Variants in NFX1 observed in about 807,000 individuals in gnomAD.
NFX1 encodes nuclear transcription factor, X-box binding 1.
In NFX1, 69 loss-of-function variants were observed where a neutral mutation model predicts 137.2. The ratio of observed to expected loss-of-function variants is 0.50; its 90% confidence interval spans 0.41 to 0.61. The LOEUF (loss-of-function observed/expected upper bound fraction) is 0.61. Among genes scored for constraint, NFX1 ranks in the 20% least tolerant of loss-of-function variants. The pLI, the probability that NFX1 is intolerant of heterozygous loss-of-function variation, is 0.00. For synonymous variants in NFX1, 495 were observed against 474.1 expected, an observed-to-expected ratio of 1.04 and a Z score of -0.57; for missense variants, 1,167 against 1,391.0, an observed-to-expected ratio of 0.84 and a Z score of 2.56.
chr9:33,295,301 A>G lies in NFX1; in HGVS notation c.907A>G (p.Ile303Val). 6.2e-7 allele frequency: 1 copy of G among 1,614,200 alleles called. No homozygotes were observed. The highest frequency in any genetic ancestry group is 8.5e-7 in the Non-Finnish European group (1 of 1,180,026). ...STCDSENLAVINKSSRRVDQE... is the reference protein window; with the variant it reads ...STCDSENLAVVNKSSRRVDQE... ...CTGTGACAGTGAGAACTTGGCAGTC[A>G]TCAACAAGTCTTCCAGGAGGGTTGA... The change falls in exon 2 of 24, where the codon ATC becomes GTC. Residue 303 changes from isoleucine (I) to valine (V), a missense_variant. Transcript: ENST00000379540.
rs191144858 is a variant in NFX1 at position 33,324,703 on chromosome 9, G to A, written c.1907-3878G>A. On this transcript the variant is annotated intron_variant, in intron 9 of 23. Transcript: ENST00000379540. ...AGCATTTTGGGAGGCTGAGGCAGGC[G>A]AATCACGAGGTCAGGAGATCGAGAC... Among the ~76,000 whole-genome samples, 1,335 of 152,096 alleles carry A rather than the reference G, an allele frequency of 8.8e-3. 19 individuals carry two copies. The highest frequency in any genetic ancestry group is 0.031 in the African/African-American group (1,291 of 41,496).
intron 9 of NFX1, among the ~76,000 whole-genome samples, chr9:33,324,311 G>A (rs1365533037): frequency 6.6e-6 from 1 of 152,044 alleles, no homozygotes; most frequent in African/African-American, 2.4e-5. Flanking sequence ...CCCAGTAGGC[G>A]GAGGTTGCAG....
chr9:33,365,276 AAAAGAAAG>A (rs779028887), intron 21 of NFX1: 8 of 153,858 alleles, frequency 5.2e-5, no homozygotes, highest in Non-Finnish European at 7.2e-5. Context: ...CTCTGTCTCA[AAAAGAAAG>A]AAAGAAAGAA....
rs191580555 is a variant in NFX1, at chr9:33,329,224, C to G, written c.2004+546C>G. Among the ~76,000 whole-genome samples the G allele has an allele frequency of 7.2e-5, 11 of 152,338 alleles. No individual in the cohort carries two copies. In the East Asian group the frequency reaches 1.4e-3, roughly 19 times the overall value. On this transcript the variant is annotated intron_variant, in intron 10 of 23. Transcript: ENST00000379540. ...GGAGTCAGGAAAGTATTACTCTCTC[C>G]GCTTCAGTGTGTGCCAGCATACATG...
intron 2 of NFX1, 93 bp downstream of exon 2, chr9:33,295,520 A>G (rs1821323551): frequency 3.7e-6 from 5 of 1,344,836 alleles, no homozygotes; most frequent in South Asian, 1.5e-5. Context: ...AGCAGAAAGT[A>G]TGGAAAGTTA....
intron 11 of NFX1, among the ~76,000 whole-genome samples, chr9:33,338,270 A>G (rs1823086680): frequency 6.7e-6 from 1 of 148,618 alleles, no homozygotes; most frequent in South Asian, 2.2e-4. Context: ...CATGAGAATC[A>G]CTTGAACCTG....
chr9:33,333,457 G>A (rs985402965), intron 11 of NFX1, among the ~76,000 whole-genome samples: 5 of 152,240 alleles, frequency 3.3e-5, no homozygotes, highest in African/African-American at 4.8e-5. Context: ...TTTTCTCCTC[G>A]TGGGTATGTT....
intron 5 of NFX1, among the ~76,000 whole-genome samples, chr9:33,310,023 T>TAAA (rs1821908613): frequency 6.6e-6 from 1 of 152,246 alleles, no homozygotes; most frequent in African/African-American, 2.4e-5. Flanking sequence ...TACTCATCTT[T>TAAA]AAAGAAACAT....
chr9:33,314,286 A>G (rs1423083699), intron 7 of NFX1, among the ~76,000 whole-genome samples: 1 of 152,038 alleles, frequency 6.6e-6, no homozygotes, highest in Non-Finnish European at 1.5e-5. Flanking sequence ...TGCCTGGCCT[A>G]TCTAATTTAA....
At position 33,319,122 on chromosome 9, in the gene NFX1, C is replaced by G; in HGVS notation, c.1901C>G (p.Ser634Cys). The change falls in exon 9 of 24, where the codon TCC becomes TGC. Residue 634 changes from serine to cysteine, a missense_variant. Ser to Cys is a moderately radical substitution (Grantham distance 112, BLOSUM62 -1). Coordinates refer to ENST00000379540, the MANE Select transcript of NFX1 (RefSeq NM_002504.6). ...KVCGKPLPCG[S>C]LDFIHTCEKL... ...TGCGGCAAGCCTCTGCCTTGTGGTTCCTTAGGTAACTAGTAAGCGTAAAGT... is the reference window on the plus strand; with the variant it reads ...TGCGGCAAGCCTCTGCCTTGTGGTTGCTTAGGTAACTAGTAAGCGTAAAGT... The G allele has an allele frequency of 6.2e-7, 1 of 1,613,976 alleles. No individual in the cohort carries two copies. Among genetic ancestry groups the G allele is most frequent in the Non-Finnish European group, 8.5e-7 (1 of 1,179,908 alleles).
intron 16 of NFX1, chr9:33,352,377 A>G (rs1436847959): frequency 8.8e-6 from 5 of 567,402 alleles, no homozygotes; most frequent in Middle Eastern, 2.8e-4. Flanking sequence ...CTCTGATGGT[A>G]CAAACTTCAT....
At chr9:33,293,359 T>C (rs967847296) in intron 1 of NFX1, among the ~76,000 whole-genome samples, 1 of 152,238 alleles carries the variant, frequency 6.6e-6, no homozygotes, top group Non-Finnish European at 1.5e-5. Flanking sequence ...ACTGCACCCA[T>C]CAATGCTCAA....
chr9:33,341,805 C>CTAAA (rs57525956), intron 12 of NFX1, among the ~76,000 whole-genome samples: 7,032 of 152,122 alleles, frequency 0.046, 479 homozygotes, highest in African/African-American at 0.15. Context: ...AACCCGGTCT[C>CTAAA]TAAATAAATA....
intron 6 of NFX1, among the ~76,000 whole-genome samples, chr9:33,312,965 A>G (rs986883440): frequency 2.6e-5 from 4 of 152,176 alleles, no homozygotes; most frequent in Non-Finnish European, 5.9e-5. Flanking sequence ...TTATTTCCCT[A>G]CCCTGAAGCA....
chr9:33,328,583 T>G lies in NFX1; in HGVS notation c.1909T>G (p.Phe637Val), dbSNP rs944847351. 2 of 1,603,166 alleles carry G rather than the reference T, an allele frequency of 1.2e-6. No individual in the cohort carries two copies. Among genetic ancestry groups the G allele is most frequent in the Non-Finnish European group, 1.7e-6 (2 of 1,171,880 alleles). The change falls in exon 10 of 24, where the codon TTC (phenylalanine) becomes GTC (valine). Residue 637 changes from phenylalanine to valine, a missense_variant and splice_region_variant. Transcript: ENST00000379540. ...AGCTCTTTTCGTTTTTATTAAAGAT[T>G]TCATTCATACCTGTGAAAAGCTCTG... ...GKPLPCGSLD[F>V]IHTCEKLCHE...
At position 33,366,744 on chromosome 9, in the gene NFX1, C is replaced by A. The variant is rs375261165; in HGVS notation, c.3155C>A (p.Pro1052Gln). 2 of 1,614,162 alleles carry A rather than the reference C, an allele frequency of 1.2e-6. No homozygotes were observed. Among genetic ancestry groups the A allele is most frequent in the Non-Finnish European group, 8.5e-7 (1 of 1,180,042 alleles). Residue 1052 changes from proline (P) to glutamine (Q), a missense_variant, in exon 22 of 24, where the codon CCG (proline) becomes CAG (glutamine). Physicochemically the swap from Pro to Gln is moderately conservative, Grantham distance 76. Around this residue, in one of 3 missense-constraint regions of NFX1, gnomAD observed 312 missense variants for 312.8 expected, o/e 1.00. Transcript: ENST00000379540. The part of the protein sequence containing the change: ...GLESVSYDSE[P>Q]KRNVVVTAIR... ...GAGAGCGTGAGCTATGACAGTGAAC[C>A]GAAGCGCAATGTGGTGGTCACTGCC...
intron 7 of NFX1, among the ~76,000 whole-genome samples, chr9:33,316,222 C>T (rs1369128599): frequency 6.6e-6 from 1 of 152,056 alleles, no homozygotes; most frequent in African/African-American, 2.4e-5. Flanking sequence ...GAAGAGTTGC[C>T]TGTGCCCAGT....
chr9:33,367,542 G>A lies in NFX1; in HGVS notation c.3213G>A (p.Thr1071=), dbSNP rs1249426017. The A allele has an allele frequency of 3.1e-6, 5 of 1,613,702 alleles. No individual in the cohort carries two copies. The highest frequency in any genetic ancestry group is 2.2e-5 in the East Asian group (1 of 44,858). ...IRGKSVCPPT[T]LTGVLEREMQ... is the part of the protein sequence containing the mutation. ...GGAAGTCCGTTTGTCCTCCTACCACGCTGACAGGTGTGCTTGAAAGGGAAA... is the reference window on the plus strand; with the variant it reads ...GGAAGTCCGTTTGTCCTCCTACCACACTGACAGGTGTGCTTGAAAGGGAAA... The change falls in exon 23 of 24, where the codon ACG becomes ACA. Residue 1071 remains threonine (T), a synonymous_variant. Coordinates refer to ENST00000379540, the MANE Select transcript of NFX1 (RefSeq NM_002504.6).
chr9:33,320,009 T>C (rs1418698324), intron 9 of NFX1, among the ~76,000 whole-genome samples: 1 of 151,636 alleles, frequency 6.6e-6, no homozygotes, highest in Non-Finnish European at 1.5e-5. Context: ...TTGCCCAGGC[T>C]AGAGTGCAGT....
Sources: gnomAD v4.1 joint callset for allele counts (sites outside exome capture counted in the v4.1 genomes callset) on GRCh38, gnomAD v4.1.1 for gene constraint, gnomAD v4.1.1 regional missense constraint, MANE v1.5 for transcripts, NCBI Gene and HGNC (gene_info 2026-07-23, HGNC 2026-07-21) for gene names.